ARB2A: variants seen among roughly 807,000 people sequenced by gnomAD.
ARB2A encodes the protein ARB2 cotranscriptional regulator A.
the ARB2A span, among the ~76,000 whole-genome samples, chr5:94,006,649 C>G: frequency 6.6e-6 from 1 of 152,218 alleles, no homozygotes; most frequent in South Asian, 2.1e-4. Flanking sequence ...CTATATTTAT[C>G]AGTAAATCAT....
the ARB2A span, chr5:93,740,705 C>T: frequency 5.6e-6 from 9 of 1,613,616 alleles, no homozygotes; most frequent in Middle Eastern, 3.3e-4. Context: ...ACTGGTGCTC[C>T]TGGGCAAGGA....
chr5:93,755,926 A>G, the ARB2A span, among the ~76,000 whole-genome samples: 827 of 152,314 alleles, frequency 5.4e-3, 12 homozygotes, highest in African/African-American at 0.018. Flanking sequence ...AGACTCCACA[A>G]GCGAGAACCA....
chr5:94,039,154 A>G, the ARB2A span, among the ~76,000 whole-genome samples: 2 of 152,252 alleles, frequency 1.3e-5, no homozygotes, highest in African/African-American at 2.4e-5. Flanking sequence ...CACATTTTCT[A>G]AATCATAATG....
At chr5:94,077,903 A>C in the ARB2A span, among the ~76,000 whole-genome samples, 1 of 152,232 alleles carries the variant, frequency 6.6e-6, no homozygotes, top group South Asian at 2.1e-4. Context: ...AGCAATTATC[A>C]TATCCCTTTC....
At chr5:93,640,841 T>C in the ARB2A span, among the ~76,000 whole-genome samples, 1 of 152,170 alleles carries the variant, frequency 6.6e-6, no homozygotes, top group East Asian at 1.9e-4. Context: ...TGTTACACAA[T>C]TTGTTGAAAA....
At chr5:94,075,439 AT>A in the ARB2A span, among the ~76,000 whole-genome samples, 1 of 152,108 alleles carries the variant, frequency 6.6e-6, no homozygotes, top group Non-Finnish European at 1.5e-5. Context: ...AAGGGAAGGC[AT>A]TAAAACTTCC....
At chr5:93,630,275 A>G in the ARB2A span, among the ~76,000 whole-genome samples, 1 of 152,124 alleles carries the variant, frequency 6.6e-6, no homozygotes, top group Non-Finnish European at 1.5e-5. Flanking sequence ...GGAGTAGTGA[A>G]TGGGGCGTGA....
the ARB2A span, among the ~76,000 whole-genome samples, chr5:94,099,141 A>G: frequency 2.0e-5 from 3 of 152,326 alleles, no homozygotes; most frequent in Admixed American, 1.3e-4. Context: ...GGCCAGCATC[A>G]CCTTGATCTA....
the ARB2A span, among the ~76,000 whole-genome samples, chr5:93,697,116 C>A: frequency 6.7e-6 from 1 of 149,926 alleles, no homozygotes; most frequent in African/African-American, 2.5e-5. Flanking sequence ...ATCTTCCCGT[C>A]GTAGTGAGAA....
chr5:93,870,561 G>T, the ARB2A span, among the ~76,000 whole-genome samples: 1 of 152,222 alleles, frequency 6.6e-6, no homozygotes, highest in Non-Finnish European at 1.5e-5. Flanking sequence ...CAGGGGACCT[G>T]CAAGGTCTCT....
chr5:93,727,300 C>A, the ARB2A span, among the ~76,000 whole-genome samples: 3 of 151,932 alleles, frequency 2.0e-5, no homozygotes, highest in Admixed American at 1.3e-4. Flanking sequence ...CATGCTTTTA[C>A]AGAAGACAAT....
the ARB2A span, among the ~76,000 whole-genome samples, chr5:93,923,861 C>T: frequency 1.3e-5 from 2 of 152,082 alleles, no homozygotes; most frequent in African/African-American, 4.8e-5. Flanking sequence ...GGGATGCACA[C>T]CCTTTAAGTG....
chr5:94,046,221 A>G, the ARB2A span, among the ~76,000 whole-genome samples: 1 of 148,398 alleles, frequency 6.7e-6, no homozygotes, highest in East Asian at 2.0e-4. Flanking sequence ...ATTTTTTTTT[A>G]TTATTTTCTC....
the ARB2A span, among the ~76,000 whole-genome samples, chr5:93,990,043 T>C: frequency 2.0e-5 from 3 of 151,962 alleles, no homozygotes; most frequent in South Asian, 2.1e-4. Flanking sequence ...GGTAGACCAA[T>C]AGATGAAAAT....
the ARB2A span, among the ~76,000 whole-genome samples, chr5:94,104,092 A>C: frequency 6.6e-6 from 1 of 151,364 alleles, no homozygotes; most frequent in Non-Finnish European, 1.5e-5. Flanking sequence ...AATCACACCT[A>C]GAGCAACCAA....
chr5:93,895,125 G>C, the ARB2A span, among the ~76,000 whole-genome samples: 1 of 152,114 alleles, frequency 6.6e-6, no homozygotes, highest in Non-Finnish European at 1.5e-5. Context: ...CAGTAATAAA[G>C]AGCCTCAAGC....
At chr5:94,021,933 T>A in the ARB2A span, among the ~76,000 whole-genome samples, 1 of 151,934 alleles carries the variant, frequency 6.6e-6, no homozygotes, top group Non-Finnish European at 1.5e-5. Flanking sequence ...TAGTTGAGAG[T>A]AGTGGCATGC....
the ARB2A span, among the ~76,000 whole-genome samples, chr5:93,849,034 G>A: frequency 2.0e-5 from 3 of 152,150 alleles, no homozygotes; most frequent in Non-Finnish European, 4.4e-5. Context: ...AGTTAAAACA[G>A]AAGCACATTT....
chr5:93,639,774 T>C, the ARB2A span, among the ~76,000 whole-genome samples: 1 of 152,062 alleles, frequency 6.6e-6, no homozygotes, highest in Non-Finnish European at 1.5e-5. Context: ...GGGCTGGGTG[T>C]GGTGGCTCAC....
Sources: gnomAD v4.1 joint callset for allele counts (sites outside exome capture counted in the v4.1 genomes callset) on GRCh38, gnomAD v4.1.1 for gene constraint, MANE v1.5 for transcripts, NCBI Gene and HGNC (gene_info 2026-07-23, HGNC 2026-07-21) for gene names.